TERF2: variants seen among roughly 807,000 people sequenced by gnomAD.
TERF2 encodes the protein telomeric repeat-binding factor 2.
Under a neutral mutation model 56.1 loss-of-function variants are expected in TERF2, and 16 were observed. The ratio of observed to expected loss-of-function variants is 0.29; its 90% CI spans 0.19 to 0.43. TERF2 has a LOEUF of 0.43. Ranked by LOEUF, TERF2 falls within the 20% of genes least tolerant of loss-of-function variation. The pLI, the probability that TERF2 is intolerant of heterozygous loss-of-function variation, is 1.00. For synonymous variants in TERF2, 296 were observed against 282.1 expected (o/e 1.05, Z -0.50); for missense variants, 547 against 712.9 (o/e 0.77, Z 2.65).
intron 5 of TERF2, 23 bp from the exon 6 acceptor site, chr16:69,368,505 A>G: frequency 6.2e-7 from 1 of 1,613,546 alleles, no homozygotes; most frequent in Non-Finnish European, 8.5e-7. Flanking sequence ...GGATGTCATC[A>G]GGAAGAAGAG....
intron 7 of TERF2, among the ~76,000 whole-genome samples, chr16:69,364,211 C>T (rs1012613538): frequency 3.3e-5 from 5 of 152,048 alleles, no homozygotes; most frequent in African/African-American, 1.2e-4. Context: ...GGCATGGTGG[C>T]CCTGTCCAAG....
At chr16:69,363,685 A>G (rs1441270879) in intron 7 of TERF2, among the ~76,000 whole-genome samples, 1 of 152,152 alleles carries the variant, frequency 6.6e-6, no homozygotes, top group Non-Finnish European at 1.5e-5. Flanking sequence ...ACAAAAAAAG[A>G]CAGTTGGGAG....
chr16:69,382,669 T>A (rs1376019271), intron 3 of TERF2, among the ~76,000 whole-genome samples: 2 of 152,216 alleles, frequency 1.3e-5, no homozygotes, highest in African/African-American at 4.8e-5. Flanking sequence ...AGCAGCCTTA[T>A]CTGTGAAGAG....
At chr16:69,375,594 C>T (rs2013748075) in intron 3 of TERF2, among the ~76,000 whole-genome samples, 1 of 152,164 alleles carries the variant, frequency 6.6e-6, no homozygotes, top group African/African-American at 2.4e-5. Flanking sequence ...AAATATGTAA[C>T]TAACACTTTT....
chr16:69,359,535 A>C (rs2013048927), intron 8 of TERF2, among the ~76,000 whole-genome samples: 1 of 151,438 alleles, frequency 6.6e-6, no homozygotes, highest in South Asian at 2.1e-4. Context: ...CTCAAAAAAA[A>C]AAAAAAAGAA....
chr16:69,385,275 G>C (rs2142777629), intron 2 of TERF2, 116 bp downstream of exon 2: 1 of 871,690 alleles, frequency 1.1e-6, no homozygotes, highest in Non-Finnish European at 1.8e-6. Flanking sequence ...GAATGAAAAA[G>C]ACCACTCTGA....
chr16:69,368,896 G>A (rs1471240847), intron 5 of TERF2, among the ~76,000 whole-genome samples: 39 of 151,954 alleles, frequency 2.6e-4, no homozygotes, highest in Admixed American at 2.6e-3. Context: ...GGCTGGCCTC[G>A]AACTCCTGAC....
chr16:69,375,379 A>G (rs1420523270), intron 3 of TERF2, among the ~76,000 whole-genome samples: 1 of 152,154 alleles, frequency 6.6e-6, no homozygotes, highest in Non-Finnish European at 1.5e-5. Flanking sequence ...TGAGAGTTCC[A>G]GTTGCTCCAC....
At chr16:69,357,615 C>A in intron 8 of TERF2, 54 bp from the exon 9 acceptor site, 1 of 1,592,156 alleles carries the variant, frequency 6.3e-7, no homozygotes, top group Middle Eastern at 1.7e-4. Context: ...TCTGCACAAA[C>A]CACAAGAAAA....
At chr16:69,384,180 G>C (rs111914952) in intron 3 of TERF2, among the ~76,000 whole-genome samples, 299 of 152,276 alleles carry the variant, frequency 2.0e-3, no homozygotes, top group Non-Finnish European at 3.1e-3. Flanking sequence ...TCTTTCTGCA[G>C]ACAGAAAGAA....
intron 3 of TERF2, among the ~76,000 whole-genome samples, chr16:69,377,134 C>T (rs563575131): frequency 8.1e-5 from 12 of 149,058 alleles, no homozygotes; most frequent in African/African-American, 2.0e-4. Flanking sequence ...ACCTAGGAGA[C>T]GGAGGTTGCA....
Position 69,359,220 on chromosome 16 carries a change from C to T in TERF2, c.1427-1659G>A, listed in dbSNP as rs1045325301. The stretch of plus-strand genomic sequence containing the variant: ...TTTCTGCATTATAACCCCTTGCTAA[C>T]CACTGCTTTGAAATCACATGGTTTT... On this transcript the variant is annotated intron_variant, in intron 8 of 9. Transcript: ENST00000254942. 1.9e-4 allele frequency among the ~76,000 whole-genome samples: 29 copies of T among 152,132 alleles called. 1 individual carries two copies. Among genetic ancestry groups the T allele is most frequent in the African/African-American group, 5.1e-4 (21 of 41,418 alleles).
At chr16:69,361,250 A>C (rs1035337173) in intron 8 of TERF2, 154 bp downstream of exon 8, 42 of 638,872 alleles carry the variant, frequency 6.6e-5, no homozygotes, top group Middle Eastern at 2.6e-4. Context: ...AAAAAAAAAA[A>C]AAACTGATTC....
Position 69,372,374 on chromosome 16 carries a change from A to C in TERF2, c.607-19T>G. On this transcript the variant is annotated intron_variant, in intron 3 of 9. Transcript: ENST00000254942. Reference sequence around the variant, plus strand: ...TGACAGCCTAAAAAGGAGGGGAAAAATCTTTTTTTACTTTTGTAATGACAG... The same window carrying C: ...TGACAGCCTAAAAAGGAGGGGAAAACTCTTTTTTTACTTTTGTAATGACAG... The C allele has an allele frequency of 6.5e-7, 1 of 1,540,242 alleles. No homozygotes were observed. The highest frequency in any genetic ancestry group is 8.9e-7 in the Non-Finnish European group (1 of 1,124,786).
chr16:69,379,100 T>A (rs2013902759), intron 3 of TERF2, among the ~76,000 whole-genome samples: 1 of 152,100 alleles, frequency 6.6e-6, no homozygotes, highest in African/African-American at 2.4e-5. Context: ...AAAGGGAAAT[T>A]CCAAGCACAG....
intron 3 of TERF2, 61 bp downstream of exon 3, chr16:69,384,519 T>C: frequency 6.4e-7 from 1 of 1,571,234 alleles, no homozygotes; most frequent in Non-Finnish European, 8.6e-7. Context: ...GAGTAAGTGC[T>C]GTATCCTCAA....
intron 3 of TERF2, among the ~76,000 whole-genome samples, chr16:69,382,574 T>C (rs947420879): frequency 3.3e-5 from 5 of 152,328 alleles, no homozygotes; most frequent in Non-Finnish European, 7.4e-5. Flanking sequence ...CTTCCAAGAT[T>C]AGACTCTACA....
intron 8 of TERF2, among the ~76,000 whole-genome samples, chr16:69,359,766 G>A (rs1339284304): frequency 1.4e-5 from 2 of 145,936 alleles, no homozygotes; most frequent in African/African-American, 2.5e-5. Context: ...GACTACAGGC[G>A]CCTGCCACCA....
chr16:69,378,952 G>T (rs1468991407), intron 3 of TERF2, among the ~76,000 whole-genome samples: 2 of 147,706 alleles, frequency 1.4e-5, no homozygotes, highest in South Asian at 4.5e-4. Flanking sequence ...ATTTCCTGTG[G>T]GGGGGGGGAA....
Sources: allele counts gnomAD v4.1 joint callset (sites outside exome capture counted in the v4.1 genomes callset), GRCh38; gene constraint gnomAD v4.1.1; transcripts MANE v1.5; gene names NCBI Gene and HGNC (gene_info 2026-07-23, HGNC 2026-07-21).